The following PTPRT variants were observed in gnomAD, a reference collection of about 807,000 sequenced individuals.
The protein encoded by PTPRT is receptor-type tyrosine-protein phosphatase T.
Under a neutral mutation model 176.8 loss-of-function variants are expected in PTPRT, and 56 were observed. The observed-to-expected ratio is 0.32, with a 90% confidence interval of 0.26 to 0.40. PTPRT has a LOEUF of 0.40. PTPRT is among the 10% of genes least tolerant of loss of function. The pLI is 1.00. For synonymous variants in PTPRT, 783 were observed against 739.0 expected, an observed-to-expected ratio of 1.06 and a Z score of -0.96; for missense variants, 1,540 against 1,908.2, an observed-to-expected ratio of 0.81 and a Z score of 3.60.
intron 9 of PTPRT, among the ~76,000 whole-genome samples, chr20:42,404,972 T>TTTTATATATATATA (rs960312629): frequency 6.4e-4 from 50 of 77,932 alleles, no homozygotes; most frequent in East Asian, 2.8e-3. Flanking sequence ...GGCCAATTAA[T>TTTTATATATATATA]TATATATATA....
chr20:42,599,340 G>A (rs999038659), intron 7 of PTPRT, among the ~76,000 whole-genome samples: 2 of 152,136 alleles, frequency 1.3e-5, no homozygotes, highest in Admixed American at 6.5e-5. Context: ...AGCTCCTTAT[G>A]TCATCCTCCC....
At chr20:42,049,143 G>A in the PTPRT span, among the ~76,000 whole-genome samples, 6 of 152,318 alleles carry the variant, frequency 3.9e-5, no homozygotes, top group Non-Finnish European at 5.9e-5. Context: ...GTTACTTAGC[G>A]AAGTATAACT....
At chr20:42,808,529 G>A (rs2077647500) in intron 2 of PTPRT, among the ~76,000 whole-genome samples, 1 of 152,088 alleles carries the variant, frequency 6.6e-6, no homozygotes, top group African/African-American at 2.4e-5. Flanking sequence ...CCAGGAAGAG[G>A]ACCAAAGCAA....
downstream of PTPRT, among the ~76,000 whole-genome samples, chr20:42,067,995 A>G (rs73119803): frequency 0.038 from 5,753 of 152,204 alleles, 177 homozygotes; most frequent in Middle Eastern, 0.061. Context: ...AGAGTTGGCT[A>G]CTCTTACAGG....
intron 1 of PTPRT, among the ~76,000 whole-genome samples, chr20:42,906,353 G>T (rs763225292): frequency 6.6e-6 from 1 of 152,290 alleles, no homozygotes; most frequent in African/African-American, 2.4e-5. Flanking sequence ...CGGCTCCAGG[G>T]GGAAAGCCAC....
intron 11 of PTPRT, among the ~76,000 whole-genome samples, chr20:42,329,921 T>G (rs1290057065): frequency 2.0e-5 from 3 of 150,840 alleles, no homozygotes; most frequent in African/African-American, 7.5e-5. Context: ...TTTGAAAATA[T>G]TTTTTTAATT....
At chr20:42,625,959 A>G (rs1164511656) in intron 7 of PTPRT, among the ~76,000 whole-genome samples, 3 of 141,720 alleles carry the variant, frequency 2.1e-5, no homozygotes, top group East Asian at 2.1e-4. Context: ...ACAAAATGGA[A>G]CTTTTCATCA....
chr20:42,349,298 C>T (rs903627651), intron 11 of PTPRT, among the ~76,000 whole-genome samples: 11 of 152,150 alleles, frequency 7.2e-5, no homozygotes, highest in East Asian at 1.9e-4. Flanking sequence ...AAGCAACAAC[C>T]GCCCTGGTTG....
At chr20:43,104,219 C>T (rs768362928) in intron 1 of PTPRT, among the ~76,000 whole-genome samples, 1 of 152,136 alleles carries the variant, frequency 6.6e-6, no homozygotes, top group Non-Finnish European at 1.5e-5. Flanking sequence ...TCGAATGCAG[C>T]TCCCAGCACA....
chr20:43,032,623 C>A (rs1986191697), intron 1 of PTPRT, among the ~76,000 whole-genome samples: 1 of 152,018 alleles, frequency 6.6e-6, no homozygotes, highest in Non-Finnish European at 1.5e-5. Flanking sequence ...CTCTGTAGTT[C>A]CAGAAGAGTC....
chr20:42,586,832 G>T (rs984868004), intron 7 of PTPRT, among the ~76,000 whole-genome samples: 7 of 152,134 alleles, frequency 4.6e-5, no homozygotes, highest in African/African-American at 1.7e-4. Flanking sequence ...CCGAGACAGG[G>T]TGACCTTTTG....
At chr20:42,725,938 C>G (rs1250637192) in intron 6 of PTPRT, among the ~76,000 whole-genome samples, 2 of 151,796 alleles carry the variant, frequency 1.3e-5, no homozygotes, top group Non-Finnish European at 2.9e-5. Flanking sequence ...TACGGTGGGC[C>G]CAGATAAATT....
chr20:42,412,803 T>C (rs2059030533), intron 9 of PTPRT, among the ~76,000 whole-genome samples: 1 of 152,078 alleles, frequency 6.6e-6, no homozygotes, highest in Admixed American at 6.5e-5. Context: ...AAAAGCTGCA[T>C]CCTGTGGGAT....
At chr20:42,367,937 A>C (rs2867437) in intron 9 of PTPRT, among the ~76,000 whole-genome samples, 69,265 of 152,052 alleles carry the variant, frequency 0.46, 16,276 homozygotes, top group Non-Finnish European at 0.51. Flanking sequence ...TGAACTCTTC[A>C]TCCTGAAAGG....
At position 42,834,314 on chromosome 20, in the gene PTPRT, T is replaced by C. The variant is rs940590886; in HGVS notation, c.215-42848A>G. Among the ~76,000 whole-genome samples, 145 of 152,202 alleles carry C rather than the reference T, an allele frequency of 9.5e-4. 1 individual carries two copies. The highest frequency in any genetic ancestry group is 6.8e-3 in the Middle Eastern group (2 of 294). On this transcript the variant is annotated intron_variant, in intron 2 of 30. Coordinates refer to ENST00000373187, the MANE Select transcript of PTPRT (RefSeq NM_007050.6). ...AATCACAATAAGACACAACTGCACA[T>C]TTTGTTAGGGGAGCTAAAATTTAAA...
intron 5 of PTPRT, among the ~76,000 whole-genome samples, chr20:42,764,326 G>A (rs967314453): frequency 2.0e-5 from 3 of 152,124 alleles, no homozygotes; most frequent in Non-Finnish European, 2.9e-5. Flanking sequence ...AAGGGGATAA[G>A]AGAATTAAGA....
chr20:42,108,732 C>CAGAG (rs1235319122), intron 23 of PTPRT, among the ~76,000 whole-genome samples: 4 of 152,088 alleles, frequency 2.6e-5, no homozygotes, highest in African/African-American at 9.7e-5. Context: ...TAAGAGGAGG[C>CAGAG]AGAGAATAAT....
Position 42,612,866 on chromosome 20 carries a change from G to A in PTPRT, c.1153+65000C>T, listed in dbSNP as rs375393911. Reference sequence around the variant, plus strand: ...GACCATGGTCCACCATGGAAAGAGTGTTTCTGTGGTGTGGGAATGTGGTTA... The same window carrying A: ...GACCATGGTCCACCATGGAAAGAGTATTTCTGTGGTGTGGGAATGTGGTTA... On this transcript the variant is annotated intron_variant, in intron 7 of 30. Coordinates refer to ENST00000373187, the MANE Select transcript of PTPRT (RefSeq NM_007050.6). Among the ~76,000 whole-genome samples the A allele has an allele frequency of 7.9e-5, 12 of 152,144 alleles. No individual in the cohort carries two copies. In the East Asian group the frequency reaches 1.4e-3, roughly 17 times the overall value.
rs550343929 is a variant in PTPRT at position 42,806,628 on chromosome 20, G to A, written c.215-15162C>T. Among the ~76,000 whole-genome samples the A allele has an allele frequency of 1.8e-4, 28 of 152,158 alleles. No homozygotes were observed. The East Asian group carries it at 3.3e-3, about 18-fold the overall frequency. ...GTCAATATTTTAGGCTTAGCAGGCC[G>A]AAAAGTTTTTGTTAACAACTACTCA... is the stretch of plus-strand genomic sequence containing the variant. On this transcript the variant is annotated intron_variant, in intron 2 of 30. Transcript: ENST00000373187.
Sources: gnomAD v4.1 joint callset for allele counts (sites outside exome capture counted in the v4.1 genomes callset) on GRCh38, gnomAD v4.1.1 for gene constraint, MANE v1.5 for transcripts, NCBI Gene and HGNC (gene_info 2026-07-23, HGNC 2026-07-21) for gene names.